The following GABRG3 variants were observed in gnomAD, a reference collection of about 807,000 sequenced individuals.
GABRG3 encodes the protein gamma-aminobutyric acid receptor subunit gamma-3.
A neutral mutation model predicts 48.8 loss-of-function variants in GABRG3; 25 were observed. That is an observed-to-expected ratio of 0.51 (90% confidence interval 0.37 to 0.72). GABRG3 has a LOEUF of 0.72. Ranked by LOEUF, GABRG3 falls within the 30% of genes least tolerant of loss-of-function variation. The pLI, the probability that GABRG3 is intolerant of heterozygous loss-of-function variation, is 0.00. For missense variants in GABRG3, 394 were observed against 577.9 expected, an observed-to-expected ratio of 0.68 and a Z score of 3.26; for synonymous variants, 227 against 217.6, an observed-to-expected ratio of 1.04 and a Z score of -0.38.
At chr15:27,391,958 A>C (rs780307639) in intron 5 of GABRG3, among the ~76,000 whole-genome samples, 30 of 152,218 alleles carry the variant, frequency 2.0e-4, no homozygotes, top group Non-Finnish European at 4.3e-4. Context: ...TCATGTGCTG[A>C]AATTTGGTGT....
At chr15:27,290,327 A>G (rs1344504511) in intron 3 of GABRG3, among the ~76,000 whole-genome samples, 1 of 152,012 alleles carries the variant, frequency 6.6e-6, no homozygotes, top group Non-Finnish European at 1.5e-5. Context: ...CTGCTACGAG[A>G]TAGAGCTTAA....
In GABRG3 at chr15:27,513,445, G is replaced by A. The variant is rs924893711; in HGVS notation, c.713-6527G>A. Among the ~76,000 whole-genome samples, 7 of 147,988 alleles carry A rather than the reference G, an allele frequency of 4.7e-5. No homozygotes were observed. In the South Asian group the frequency reaches 6.3e-4, roughly 13 times the overall value. On this transcript the variant is annotated intron_variant, in intron 6 of 9. Coordinates refer to ENST00000615808, the MANE Select transcript of GABRG3 (RefSeq NM_033223.5). ...AGCCTGGGAGACAGAGTAAGACTCCGTCTCAAAAAAAAAGAAAAAAAAAAT... is the reference window on the plus strand; with the variant it reads ...AGCCTGGGAGACAGAGTAAGACTCCATCTCAAAAAAAAAGAAAAAAAAAAT...
intron 5 of GABRG3, among the ~76,000 whole-genome samples, chr15:27,440,489 C>CTGATGCCA (rs1422964487): frequency 6.6e-6 from 1 of 152,172 alleles, no homozygotes; most frequent in African/African-American, 2.4e-5. Context: ...TGGAATGTAC[C>CTGATGCCA]TGATGCCATC....
At chr15:27,405,074 C>T (rs2140592157) in intron 5 of GABRG3, among the ~76,000 whole-genome samples, 1 of 152,240 alleles carries the variant, frequency 6.6e-6, no homozygotes, top group East Asian at 1.9e-4. Context: ...ATGATGCTTC[C>T]CCAGAAACCT....
rs955808053 is a variant in GABRG3, at chr15:26,976,220, C to T, written c.54-782C>T. Reference sequence around the variant, plus strand: ...ACACGGGAGAGGAGGCTGTCCAGCTCCTCCCTGCACAAAACAAGCTCAGAG... The same window carrying T: ...ACACGGGAGAGGAGGCTGTCCAGCTTCTCCCTGCACAAAACAAGCTCAGAG... On this transcript the variant is annotated intron_variant, in intron 1 of 9. Transcript: ENST00000615808. The surrounding 1 kb of genome is among the most constrained non-coding windows in gnomAD (Gnocchi z 7.8). 2.0e-5 allele frequency among the ~76,000 whole-genome samples: 3 copies of T among 152,164 alleles called. No individual in the cohort carries two copies.
chr15:27,052,123 C>T (rs974131246), intron 3 of GABRG3, among the ~76,000 whole-genome samples: 1 of 152,168 alleles, frequency 6.6e-6, no homozygotes, highest in African/African-American at 2.4e-5. Context: ...GATACCCGGC[C>T]ACAGATCGGG....
chr15:27,193,395 T>G (rs1410293883), intron 3 of GABRG3, among the ~76,000 whole-genome samples: 2 of 152,010 alleles, frequency 1.3e-5, no homozygotes, highest in Non-Finnish European at 2.9e-5. Flanking sequence ...CCCGGCTGCT[T>G]TGTTTACCTA....
At chr15:27,489,401 G>A (rs1323220300) in intron 6 of GABRG3, among the ~76,000 whole-genome samples, 3 of 152,134 alleles carry the variant, frequency 2.0e-5, no homozygotes, top group Non-Finnish European at 4.4e-5. Flanking sequence ...CCCAGTTACG[G>A]GATTGCTGGA....
At chr15:27,006,844 T>G (rs1400653747) in intron 2 of GABRG3, among the ~76,000 whole-genome samples, 1 of 129,796 alleles carries the variant, frequency 7.7e-6, no homozygotes, top group Non-Finnish European at 1.7e-5. Context: ...GTTTGTTTTT[T>G]TTTTCTTTTT....
Position 27,062,362 on chromosome 15 carries a change from C to T in GABRG3, c.270+35541C>T, listed in dbSNP as rs565386868. ...CTGTAATCCCAGCACTTCAGGAGGC[C>T]GAGGCAGGCAGATCACCTGAGGTCA... On this transcript the variant is annotated intron_variant, in intron 3 of 9. Coordinates refer to ENST00000615808, the MANE Select transcript of GABRG3 (RefSeq NM_033223.5). 7.5e-4 allele frequency among the ~76,000 whole-genome samples: 112 copies of T among 149,054 alleles called. 1 individual carries two copies. In the Middle Eastern group the frequency reaches 0.011, roughly 14 times the overall value.
chr15:27,127,045 G>A (rs570272466), intron 3 of GABRG3, among the ~76,000 whole-genome samples: 2 of 152,110 alleles, frequency 1.3e-5, no homozygotes, highest in East Asian at 3.9e-4. Flanking sequence ...CATTTGGCAG[G>A]GCATTAAAAG....
At chr15:27,109,048 C>T (rs1276100696) in intron 3 of GABRG3, among the ~76,000 whole-genome samples, 4 of 152,122 alleles carry the variant, frequency 2.6e-5, no homozygotes, top group Non-Finnish European at 5.9e-5. Context: ...GCACAACATT[C>T]TATTGTATGT....
At chr15:27,334,541 A>G (rs1225583192) in intron 5 of GABRG3, among the ~76,000 whole-genome samples, 17 of 152,296 alleles carry the variant, frequency 1.1e-4, no homozygotes. Context: ...GCAATGTTAA[A>G]TCCTGGGACA....
chr15:27,282,635 T>C (rs983806567), intron 3 of GABRG3, among the ~76,000 whole-genome samples: 24 of 152,370 alleles, frequency 1.6e-4, no homozygotes, highest in African/African-American at 5.5e-4. Context: ...AGTTCTTAAC[T>C]GCTCACTGGA....
chr15:27,106,251 G>T (rs1276981471), intron 3 of GABRG3, among the ~76,000 whole-genome samples: 1 of 151,912 alleles, frequency 6.6e-6, no homozygotes, highest in African/African-American at 2.4e-5. Context: ...GGCATTCCTG[G>T]GAAATAAGTA....
At chr15:27,225,937 GAT>G (rs1225294390) in intron 3 of GABRG3, among the ~76,000 whole-genome samples, 1 of 152,156 alleles carries the variant, frequency 6.6e-6, no homozygotes, top group African/African-American at 2.4e-5. Flanking sequence ...TGACTAAGAT[GAT>G]TGGCAGATTA....
intron 5 of GABRG3, among the ~76,000 whole-genome samples, chr15:27,438,628 A>G (rs1232161114): frequency 6.6e-6 from 1 of 152,190 alleles, no homozygotes; most frequent in Non-Finnish European, 1.5e-5. Flanking sequence ...AGGAGACTGC[A>G]GGGAGCCCGC....
chr15:27,377,340 C>T (rs1380627122), intron 5 of GABRG3, among the ~76,000 whole-genome samples: 1 of 152,196 alleles, frequency 6.6e-6, no homozygotes, highest in Non-Finnish European at 1.5e-5. Flanking sequence ...AAGTCACTTC[C>T]ACGTTTTCGG....
At chr15:27,018,879 GA>G (rs1895827017) in intron 2 of GABRG3, among the ~76,000 whole-genome samples, 1 of 151,770 alleles carries the variant, frequency 6.6e-6, no homozygotes, top group Non-Finnish European at 1.5e-5. Context: ...CTCCAAGTTA[GA>G]AAAAAAGCAT....
Sources: gnomAD v4.1 joint callset for allele counts (sites outside exome capture counted in the v4.1 genomes callset) on GRCh38, gnomAD v4.1.1 for gene constraint, Gnocchi (gnomAD v3.1) non-coding constraint, MANE v1.5 for transcripts, NCBI Gene and HGNC (gene_info 2026-07-23, HGNC 2026-07-21) for gene names.